The following CYREN variants were observed in gnomAD, a reference collection of about 807,000 sequenced individuals.
The protein encoded by CYREN is cell cycle regulator of non-homologous end joining.
Under a neutral mutation model 9.7 loss-of-function variants are expected in CYREN, and 7 were observed. The observed-to-expected ratio is 0.72, with a 90% CI of 0.41 to 1.36. CYREN has a LOEUF of 1.36. CYREN is among the 40% of genes most tolerant of loss of function. The pLI is 0.01. For synonymous variants in CYREN, 76 were observed against 77.9 expected (o/e 0.98, Z 0.13); for missense variants, 215 against 198.1 (o/e 1.09, Z -0.51).
chr7:135,097,218 G>A (rs1232459212), intron 2 of CYREN, among the ~76,000 whole-genome samples: 2 of 152,188 alleles, frequency 1.3e-5, no homozygotes, highest in East Asian at 3.9e-4. Flanking sequence ...GTCAACAAAG[G>A]GAAAATTTTG....
At chr7:135,159,954 C>A (rs1829886360) in intron 2 of CYREN, among the ~76,000 whole-genome samples, 1 of 152,096 alleles carries the variant, frequency 6.6e-6, no homozygotes, top group Admixed American at 6.5e-5. Context: ...AGTTGATTCA[C>A]AAAAATATTC....
intron 2 of CYREN, among the ~76,000 whole-genome samples, chr7:135,100,587 G>A (rs1823685704): frequency 6.6e-6 from 1 of 152,088 alleles, no homozygotes; most frequent in African/African-American, 2.4e-5. Flanking sequence ...AAATAAAATG[G>A]GTTCTGATGA....
chr7:135,094,430 A>G (rs1486705410), exon 3 of CYREN: 1 of 456,682 alleles, frequency 2.2e-6, no homozygotes, highest in Non-Finnish European at 4.4e-6. Context: ...TTAAACAGTG[A>G]TTTTAACAAA....
intron 2 of CYREN, among the ~76,000 whole-genome samples, chr7:135,103,294 G>A (rs1462406164): frequency 6.6e-6 from 1 of 152,128 alleles, no homozygotes; most frequent in African/African-American, 2.4e-5. Flanking sequence ...TTGAAGCTGA[G>A]TGATAGGTTT....
chr7:135,135,945 C>T (rs1439823056), intron 2 of CYREN, among the ~76,000 whole-genome samples: 1 of 152,054 alleles, frequency 6.6e-6, no homozygotes, highest in Non-Finnish European at 1.5e-5. Flanking sequence ...TAAAGATGTA[C>T]AGTTTCCTTT....
At chr7:135,165,688 C>T (rs944178948), downstream of CYREN, 3 of 167,168 alleles carry the variant, frequency 1.8e-5, no homozygotes, top group African/African-American at 7.2e-5. Context: ...GACTCCAAAT[C>T]CTCGCTGTGA....
chr7:135,163,682 A>G (rs1052346578), downstream of CYREN, among the ~76,000 whole-genome samples: 6 of 152,222 alleles, frequency 3.9e-5, no homozygotes, highest in Admixed American at 2.0e-4. Context: ...TAAGTTTTCT[A>G]TAATTCATAC....
At chr7:135,125,167 A>G (rs1827698264) in intron 2 of CYREN, among the ~76,000 whole-genome samples, 1 of 152,166 alleles carries the variant, frequency 6.6e-6, no homozygotes, top group Admixed American at 6.5e-5. Context: ...AATAAAGAAG[A>G]AAAGAGAGAA....
chr7:135,150,830 T>C (rs1481174870), intron 2 of CYREN, among the ~76,000 whole-genome samples: 1 of 152,202 alleles, frequency 6.6e-6, no homozygotes, highest in Non-Finnish European at 1.5e-5. Context: ...CATTCCACCC[T>C]GGGTGACAGA....
intron 2 of CYREN, among the ~76,000 whole-genome samples, chr7:135,132,218 G>A (rs367751797): frequency 6.6e-6 from 1 of 152,156 alleles, no homozygotes; most frequent in African/African-American, 2.4e-5. Context: ...AAAAGGAAAT[G>A]ACAGAATAAG....
At position 135,166,338 on chromosome 7, in the gene CYREN, A is replaced by G; in HGVS notation, c.*273T>C. 2.8e-6 allele frequency: 1 copy of G among 354,288 alleles called. No homozygotes were observed. The highest frequency in any genetic ancestry group is 5.1e-6 in the Non-Finnish European group (1 of 196,952). 21.9% of individuals were successfully genotyped at this position (354,288 alleles called of 1,614,324 possible). On this transcript the variant is annotated 3_prime_UTR_variant, in exon 4 of 4. Transcript: ENST00000393114. ...CTAACACAGACAATTGGGACTCCAG[A>G]GCCTCAAGAGCCAGGAGAGGGCACA...
At chr7:135,128,794 A>G in intron 2 of CYREN, 1 of 1,209,562 alleles carries the variant, frequency 8.3e-7, no homozygotes, top group Non-Finnish European at 1.2e-6. Flanking sequence ...TGGATCTGAT[A>G]CAGACCAAGA....
chr7:135,167,557 C>A (rs1255774600), intron 3 of CYREN, 175 bp downstream of exon 3: 169 of 1,436,222 alleles, frequency 1.2e-4, no homozygotes, highest in Non-Finnish European at 1.5e-4. Flanking sequence ...CACGAGCGCA[C>A]ACCCACATGG....
upstream of CYREN, among the ~76,000 whole-genome samples, chr7:135,172,173 C>G (rs750143929): frequency 5.9e-5 from 9 of 151,794 alleles, no homozygotes; most frequent in Non-Finnish European, 1.2e-4. Context: ...CACTTTTGTT[C>G]TGGTTTTGAC....
chr7:135,112,524 T>C (rs1825786712), intron 2 of CYREN, among the ~76,000 whole-genome samples: 2 of 152,216 alleles, frequency 1.3e-5, no homozygotes, highest in Non-Finnish European at 2.9e-5. Flanking sequence ...TAGATGACTG[T>C]CCTTTTTTAC....
chr7:135,156,530 T>C (rs749221763), intron 2 of CYREN, among the ~76,000 whole-genome samples: 2 of 152,086 alleles, frequency 1.3e-5, no homozygotes, highest in Non-Finnish European at 1.5e-5. Flanking sequence ...TTTCCTTCAA[T>C]GAATTTTTTA....
At chr7:135,122,131 C>T (rs1236341609) in intron 2 of CYREN, among the ~76,000 whole-genome samples, 2 of 152,206 alleles carry the variant, frequency 1.3e-5, no homozygotes. Context: ...GCCTAACACA[C>T]TAAGCTCCCT....
intron 2 of CYREN, among the ~76,000 whole-genome samples, chr7:135,141,363 C>A (rs1295563666): frequency 2.0e-5 from 3 of 152,058 alleles, no homozygotes; most frequent in African/African-American, 7.2e-5. Flanking sequence ...ATAATTGTCT[C>A]TGAGGGTTTC....
chr7:135,142,847 T>C (rs1056346443), intron 2 of CYREN, among the ~76,000 whole-genome samples: 1 of 152,210 alleles, frequency 6.6e-6, no homozygotes, highest in Non-Finnish European at 1.5e-5. Flanking sequence ...AAAGACAGTC[T>C]GTGTTCATAG....
Sources: allele counts gnomAD v4.1 joint callset (sites outside exome capture counted in the v4.1 genomes callset), GRCh38; gene constraint gnomAD v4.1.1; transcripts MANE v1.5; gene names NCBI Gene and HGNC (gene_info 2026-07-23, HGNC 2026-07-21).